The following AOAH variants were observed in gnomAD, a reference collection of about 807,000 sequenced individuals.
AOAH encodes acyloxyacyl hydrolase (neutrophil).
Under a neutral mutation model 92.2 loss-of-function variants are expected in AOAH, and 64 were observed. The ratio of observed to expected loss-of-function variants is 0.69; its 90% CI spans 0.57 to 0.86. The LOEUF (loss-of-function observed/expected upper bound fraction) is 0.86. AOAH is among the 40% of genes least tolerant of loss of function. AOAH has a pLI of 0.00. For synonymous variants in AOAH, 263 were observed against 254.5 expected, an observed-to-expected ratio of 1.03 and a Z score of -0.32; for missense variants, 656 against 694.6, an observed-to-expected ratio of 0.94 and a Z score of 0.62.
At chr7:36,601,372 G>C (rs1296806873) in intron 11 of AOAH, among the ~76,000 whole-genome samples, 1 of 149,684 alleles carries the variant, frequency 6.7e-6, no homozygotes, top group South Asian at 2.1e-4. Flanking sequence ...GGAGGGAGAG[G>C]GGGGAAGGGG....
chr7:36,696,368 G>A (rs1326643125), intron 1 of AOAH, among the ~76,000 whole-genome samples: 6 of 152,128 alleles, frequency 3.9e-5, no homozygotes, highest in Admixed American at 3.9e-4. Context: ...TTTGGAGAGT[G>A]CAGCCATCTT....
intron 11 of AOAH, among the ~76,000 whole-genome samples, chr7:36,594,908 T>G (rs986851565): frequency 6.6e-6 from 1 of 152,126 alleles, no homozygotes; most frequent in Non-Finnish European, 1.5e-5. Flanking sequence ...GTCTCAGACA[T>G]TTTTGAGAAT....
At chr7:36,558,911 T>A (rs1227964706) in intron 13 of AOAH, among the ~76,000 whole-genome samples, 1 of 152,272 alleles carries the variant, frequency 6.6e-6, no homozygotes, top group Admixed American at 6.5e-5. Context: ...GGGAACTCCT[T>A]GACCCCTTGC....
intron 5 of AOAH, among the ~76,000 whole-genome samples, 155 bp downstream of exon 5, chr7:36,637,696 G>A (rs1330649116): frequency 1.3e-5 from 2 of 152,186 alleles, no homozygotes; most frequent in African/African-American, 4.8e-5. Flanking sequence ...AACACAAGTG[G>A]AAGCAGTTCA....
rs370125740 is a variant in AOAH, at chr7:36,686,445, C to A, written c.223+254G>T. On this transcript the variant is annotated intron_variant, in intron 2 of 20. Coordinates refer to ENST00000617537, the MANE Select transcript of AOAH (RefSeq NM_001637.4). ...TGTAACACATCAAACAACAATTGGC[C>A]ATTCAACATTTTATTCCCTAAGGGT... 1.2e-4 allele frequency among the ~76,000 whole-genome samples: 18 copies of A among 152,270 alleles called. 1 individual carries two copies. The highest frequency in any genetic ancestry group is 7.7e-4 in the East Asian group (4 of 5,182).
chr7:36,610,907 G>A (rs1379113793), intron 11 of AOAH, among the ~76,000 whole-genome samples: 1 of 152,182 alleles, frequency 6.6e-6, no homozygotes, highest in Non-Finnish European at 1.5e-5. Flanking sequence ...GGCCCAGCCT[G>A]AAGCTTGGCG....
intron 13 of AOAH, among the ~76,000 whole-genome samples, chr7:36,569,879 C>T (rs1788011541): frequency 6.6e-6 from 1 of 152,156 alleles, no homozygotes; most frequent in South Asian, 2.1e-4. Flanking sequence ...TCCCAAAGTG[C>T]TGGGATTATA....
chr7:36,661,767 T>C (rs543507379), intron 3 of AOAH, among the ~76,000 whole-genome samples: 6 of 152,298 alleles, frequency 3.9e-5, no homozygotes, highest in Non-Finnish European at 8.8e-5. Flanking sequence ...CTGGCCTGAA[T>C]GTGAGTCACT....
intron 20 of AOAH, among the ~76,000 whole-genome samples, chr7:36,518,191 T>G (rs573019784): frequency 7.9e-5 from 12 of 151,512 alleles, no homozygotes; most frequent in Middle Eastern, 3.6e-3. Flanking sequence ...AGATCTCTTT[T>G]TTTTGTTTTG....
intron 11 of AOAH, among the ~76,000 whole-genome samples, chr7:36,610,904 C>G (rs1164832600): frequency 3.9e-5 from 6 of 152,146 alleles, no homozygotes; most frequent in Non-Finnish European, 7.4e-5. Flanking sequence ...CTGGGCCCAG[C>G]CTGAAGCTTG....
intron 5 of AOAH, among the ~76,000 whole-genome samples, chr7:36,636,801 T>C (rs970549406): frequency 2.0e-5 from 3 of 152,246 alleles, no homozygotes; most frequent in African/African-American, 4.8e-5. Flanking sequence ...TTATCTGAAA[T>C]TCAAATTTAA....
At chr7:36,542,008 TTAAA>T (rs936331901) in intron 15 of AOAH, among the ~76,000 whole-genome samples, 8 of 152,320 alleles carry the variant, frequency 5.3e-5, no homozygotes, top group South Asian at 2.1e-4. Context: ...TGATAGTGGG[TTAAA>T]TAGTGTCCCT....
intron 16 of AOAH, among the ~76,000 whole-genome samples, chr7:36,536,673 G>T (rs1157083813): frequency 1.3e-5 from 2 of 152,148 alleles, no homozygotes; most frequent in South Asian, 4.1e-4. Context: ...TCTCAGCTGG[G>T]AACGGTGGCT....
intron 11 of AOAH, among the ~76,000 whole-genome samples, chr7:36,608,844 G>A (rs988674722): frequency 1.4e-5 from 2 of 142,082 alleles, no homozygotes; most frequent in South Asian, 2.3e-4. Flanking sequence ...CTCTCAAAGT[G>A]TCCAGTTTGG....
At chr7:36,643,625 T>C (rs150329563) in intron 4 of AOAH, among the ~76,000 whole-genome samples, 43 of 152,362 alleles carry the variant, frequency 2.8e-4, no homozygotes, top group African/African-American at 9.9e-4. Flanking sequence ...ATTTTACAAA[T>C]ACTTACTTAG....
chr7:36,639,946 T>C (rs1404101561), intron 4 of AOAH, among the ~76,000 whole-genome samples: 2 of 152,208 alleles, frequency 1.3e-5, no homozygotes, highest in East Asian at 3.8e-4. Flanking sequence ...CTCGGTTCTC[T>C]GGGGCTCAAT....
intron 11 of AOAH, among the ~76,000 whole-genome samples, chr7:36,609,477 C>A (rs1205856710): frequency 6.6e-6 from 1 of 152,154 alleles, no homozygotes; most frequent in Non-Finnish European, 1.5e-5. Flanking sequence ...GTCTCACTGT[C>A]CCACCTGGTG....
At chr7:36,601,746 A>G (rs904266266) in intron 11 of AOAH, among the ~76,000 whole-genome samples, 1 of 152,166 alleles carries the variant, frequency 6.6e-6, no homozygotes, top group African/African-American at 2.4e-5. Context: ...GGGGCTTTCA[A>G]GAAAGGAGTC....
chr7:36,716,970 TAATAAATAAATAAATAAATAAATAAATA>T (rs200867596), intron 1 of AOAH, among the ~76,000 whole-genome samples: 2 of 142,812 alleles, frequency 1.4e-5, no homozygotes, highest in East Asian at 2.1e-4. Context: ...ACTTAAAGTA[TAATAAATAAATAAATAAATAAATAAATA>T]AATAAATAAA....
Sources: allele counts gnomAD v4.1 joint callset (sites outside exome capture counted in the v4.1 genomes callset), GRCh38; gene constraint gnomAD v4.1.1; transcripts MANE v1.5; gene names NCBI Gene and HGNC (gene_info 2026-07-23, HGNC 2026-07-21).